ST8SIA6: variants seen among roughly 807,000 people sequenced by gnomAD.
The protein encoded by ST8SIA6 is ST8 alpha-N-acetyl-neuraminide alpha-2,8-sialyltransferase 6.
A neutral mutation model predicts 33.6 loss-of-function variants in ST8SIA6; 39 were observed. The observed-to-expected ratio is 1.16, with a 90% CI of 0.90 to 1.52. ST8SIA6 has a LOEUF of 1.52. ST8SIA6 is among the 40% of genes most tolerant of loss of function. The probability of loss-of-function intolerance (pLI) is 0.00; values close to 1 mark genes in which losing one functional copy is unlikely to be tolerated. For synonymous variants in ST8SIA6, 172 were observed against 167.2 expected, an observed-to-expected ratio of 1.03 and a Z score of -0.22; for missense variants, 441 against 443.8, an observed-to-expected ratio of 0.99 and a Z score of 0.06.
intron 3 of ST8SIA6, among the ~76,000 whole-genome samples, chr10:17,382,977 G>T (rs1850207123): frequency 6.6e-6 from 1 of 152,124 alleles, no homozygotes; most frequent in South Asian, 2.1e-4. Context: ...GTTATAAAAG[G>T]CTTGTGGAAG....
At chr10:17,446,259 AT>A (rs1852702699) in intron 2 of ST8SIA6, among the ~76,000 whole-genome samples, 1 of 152,226 alleles carries the variant, frequency 6.6e-6, no homozygotes, top group South Asian at 2.1e-4. Flanking sequence ...TTATGAAAAT[AT>A]TCTATAATGT....
intron 2 of ST8SIA6, among the ~76,000 whole-genome samples, chr10:17,451,343 T>A (rs1424905418): frequency 1.3e-5 from 2 of 152,148 alleles, no homozygotes; most frequent in African/African-American, 4.8e-5. Context: ...CCACATGTTC[T>A]CATAAATAGG....
At chr10:17,335,294 A>G (rs992338723) in intron 4 of ST8SIA6, among the ~76,000 whole-genome samples, 1 of 152,238 alleles carries the variant, frequency 6.6e-6, no homozygotes, top group Non-Finnish European at 1.5e-5. Flanking sequence ...GATGGTAGTG[A>G]GTCATTAGAA....
intron 3 of ST8SIA6, among the ~76,000 whole-genome samples, chr10:17,383,461 T>C (rs1416409542): frequency 6.6e-6 from 1 of 152,238 alleles, no homozygotes; most frequent in Non-Finnish European, 1.5e-5. Context: ...CCTGTAATTC[T>C]GATATACCTT....
chr10:17,445,120 G>T (rs961422813), intron 2 of ST8SIA6, among the ~76,000 whole-genome samples: 8 of 151,466 alleles, frequency 5.3e-5, no homozygotes, highest in African/African-American at 1.7e-4. Flanking sequence ...TAGAGTTAGG[G>T]TTAGTTTTCT....
intron 4 of ST8SIA6, 38 bp downstream of exon 4, chr10:17,359,476 C>T (rs764355346): frequency 6.8e-7 from 1 of 1,460,628 alleles, no homozygotes; most frequent in Non-Finnish European, 9.5e-7. Flanking sequence ...ATGAACAAGA[C>T]ATTTTTAAAA....
chr10:17,327,598 AAAC>A (rs1176015095), intron 5 of ST8SIA6, among the ~76,000 whole-genome samples: 19 of 149,930 alleles, frequency 1.3e-4, no homozygotes, highest in African/African-American at 3.5e-4. Flanking sequence ...AAACAAAACA[AAAC>A]AACAACAACA....
chr10:17,333,704 TA>T (rs1564405029), intron 4 of ST8SIA6, among the ~76,000 whole-genome samples: 8 of 30,056 alleles, frequency 2.7e-4, no homozygotes, highest in Admixed American at 8.8e-4. Flanking sequence ...TATATATATA[TA>T]TATATATATA....
chr10:17,390,470 G>C (rs1373373014), intron 3 of ST8SIA6, 61 bp downstream of exon 3: 5 of 1,389,954 alleles, frequency 3.6e-6, no homozygotes, highest in African/African-American at 1.4e-5. Flanking sequence ...GACACTGTCA[G>C]ACATTCTGAA....
chr10:17,398,768 C>T (rs1342725656), intron 2 of ST8SIA6, among the ~76,000 whole-genome samples: 1 of 152,176 alleles, frequency 6.6e-6, no homozygotes, highest in Non-Finnish European at 1.5e-5. Context: ...ACTCTGTCCT[C>T]ATTCTAGGGA....
chr10:17,369,010 C>T (rs1849649960), intron 3 of ST8SIA6, among the ~76,000 whole-genome samples: 1 of 152,132 alleles, frequency 6.6e-6, no homozygotes, highest in Admixed American at 6.5e-5. Flanking sequence ...AGGCCCCATC[C>T]CTGACTCACA....
At chr10:17,367,399 G>GC (rs1849589617) in intron 3 of ST8SIA6, among the ~76,000 whole-genome samples, 1 of 151,660 alleles carries the variant, frequency 6.6e-6, no homozygotes, top group African/African-American at 2.4e-5. Flanking sequence ...GAGAAAACCC[G>GC]CCCCCATGAT....
Position 17,454,570 on chromosome 10 carries a change from C to A in ST8SIA6, c.-315G>T, listed in dbSNP as rs1220730055. On this transcript the variant is annotated 5_prime_UTR_variant, in exon 1 of 8. Coordinates refer to ENST00000377602, the MANE Select transcript of ST8SIA6 (RefSeq NM_001004470.3). The surrounding 1 kb of genome is among the most constrained non-coding windows in gnomAD (Gnocchi z 4.1). ...CGGAGGCGCTCGGAGCTGCTGCGGG[C>A]TCCGGTCGCCGCTGCCACTGCTGCT... Among the ~76,000 whole-genome samples the A allele has an allele frequency of 6.6e-6, 1 of 151,896 alleles. No homozygotes were observed. The highest frequency in any genetic ancestry group is 6.6e-5 in the Admixed American group (1 of 15,266).
At position 17,394,096 on chromosome 10, in the gene ST8SIA6, C is replaced by T. The variant is rs552791465; in HGVS notation, c.201-3476G>A. Among the ~76,000 whole-genome samples, 58 of 152,232 alleles carry T rather than the reference C, an allele frequency of 3.8e-4. No individual in the cohort carries two copies. In the South Asian group the frequency reaches 0.012, roughly 31 times the overall value. Reference sequence around the variant, plus strand: ...GAATTGTGAAACTGTGACCAGTAGGCACCAATAGGATTGTGTCTCCTATGC... The same window carrying T: ...GAATTGTGAAACTGTGACCAGTAGGTACCAATAGGATTGTGTCTCCTATGC... On this transcript the variant is annotated intron_variant, in intron 2 of 7. Coordinates refer to ENST00000377602, the MANE Select transcript of ST8SIA6 (RefSeq NM_001004470.3).
chr10:17,410,497 A>C (rs1252168708), intron 2 of ST8SIA6: 1 of 152,236 alleles, frequency 6.6e-6, no homozygotes, highest in Non-Finnish European at 1.5e-5. Context: ...CAAAAACTAT[A>C]AACTAGAATT....
At chr10:17,376,998 C>T (rs894308239) in intron 3 of ST8SIA6, among the ~76,000 whole-genome samples, 2 of 152,106 alleles carry the variant, frequency 1.3e-5, no homozygotes, top group Non-Finnish European at 2.9e-5. Flanking sequence ...CCATCATATC[C>T]CCTGTGACCT....
intron 2 of ST8SIA6, among the ~76,000 whole-genome samples, chr10:17,397,167 T>A (rs1451518065): frequency 6.6e-6 from 1 of 152,078 alleles, no homozygotes; most frequent in Non-Finnish European, 1.5e-5. Context: ...TCTGCCAACC[T>A]TTTTCTCCTT....
At position 17,425,714 on chromosome 10, in the gene ST8SIA6, GGGAA is replaced by G. The variant is rs371494646; in HGVS notation, c.200+27841_200+27844del. ...AGGAAAGGTAGGAAGGAGGAAGGAA[GGGAA>G]GGAAGGAAGGAGGAAGGAAGGGAAG... On this transcript the variant is annotated intron_variant, in intron 2 of 7. Coordinates refer to ENST00000377602, the MANE Select transcript of ST8SIA6 (RefSeq NM_001004470.3). Among the ~76,000 whole-genome samples the G allele has an allele frequency of 2.7e-3, 366 of 137,050 alleles. 1 individual carries two copies. Among genetic ancestry groups the G allele is most frequent in the Non-Finnish European group, 4.8e-3 (298 of 62,666 alleles). The allele number at this position is 137,050 out of a possible 152,430, so 89.9% of individuals were successfully genotyped here.
intron 3 of ST8SIA6, among the ~76,000 whole-genome samples, chr10:17,377,645 C>T (rs1035924356): frequency 2.6e-5 from 4 of 152,082 alleles, no homozygotes; most frequent in Non-Finnish European, 4.4e-5. Flanking sequence ...GCCTAATTTT[C>T]ATTTATTCAA....
Sources: gnomAD v4.1 joint callset for allele counts (sites outside exome capture counted in the v4.1 genomes callset) on GRCh38, gnomAD v4.1.1 for gene constraint, Gnocchi (gnomAD v3.1) non-coding constraint, MANE v1.5 for transcripts, NCBI Gene and HGNC (gene_info 2026-07-23, HGNC 2026-07-21) for gene names.